Variants in RBFOX1 observed in about 807,000 individuals in gnomAD.
The protein encoded by RBFOX1 is RNA binding protein fox-1 homolog 1.
In RBFOX1, 8 loss-of-function variants were observed where a neutral mutation model predicts 57.7. That is an observed-to-expected ratio of 0.14 (90% CI 0.08 to 0.25). The LOEUF is 0.25. Among genes scored for constraint, RBFOX1 ranks in the 10% least tolerant of loss-of-function variants. The pLI is 1.00. For missense variants in RBFOX1, 611 were observed against 548.5 expected, an observed-to-expected ratio of 1.11 and a Z score of -1.14; for synonymous variants, 326 against 222.4, an observed-to-expected ratio of 1.47 and a Z score of -4.15.
At chr16:6,215,804 A>T (rs139460058) in intron 1 of RBFOX1, among the ~76,000 whole-genome samples, 144 of 152,214 alleles carry the variant, frequency 9.5e-4, no homozygotes, top group African/African-American at 3.3e-3. Context: ...TTACATGGAG[A>T]AAGGACTGCA....
In RBFOX1 at chr16:7,043,631, C is replaced by T. The variant is rs542043209; in HGVS notation, c.-15-8426C>T. Among the ~76,000 whole-genome samples the T allele has an allele frequency of 2.8e-3, 433 of 152,290 alleles. 3 individuals carry two copies. Among genetic ancestry groups the T allele is most frequent in the Non-Finnish European group, 2.3e-3 (155 of 68,012 alleles). ...GCTGGTAAACTTGTCCAGTGTTTTCCTTCTAAGTGATTCATAATTGTCCTG... is the reference window on the plus strand; with the variant it reads ...GCTGGTAAACTTGTCCAGTGTTTTCTTTCTAAGTGATTCATAATTGTCCTG... On this transcript the variant is annotated intron_variant, in intron 3 of 15. Transcript: ENST00000550418.
intron 4 of RBFOX1, among the ~76,000 whole-genome samples, chr16:7,061,724 C>T (rs1384843195): frequency 1.3e-5 from 2 of 152,148 alleles, no homozygotes; most frequent in South Asian, 2.1e-4. Context: ...TATCAAACAG[C>T]TCCAAGCAAA....
chr16:6,669,195 A>G (rs2098749782), intron 3 of RBFOX1, among the ~76,000 whole-genome samples: 1 of 152,190 alleles, frequency 6.6e-6, no homozygotes, highest in Non-Finnish European at 1.5e-5. Context: ...AGGTTGCTGG[A>G]AAAATTTGTG....
intron 3 of RBFOX1, among the ~76,000 whole-genome samples, chr16:6,685,176 G>C (rs553030354): frequency 9.3e-5 from 14 of 151,348 alleles, no homozygotes; most frequent in Non-Finnish European, 1.6e-4. Flanking sequence ...TATTCCTGCT[G>C]TACTTACTAA....
chr16:6,079,718 C>T (rs1487257253), intron 1 of RBFOX1, among the ~76,000 whole-genome samples: 1 of 152,034 alleles, frequency 6.6e-6, no homozygotes, highest in Non-Finnish European at 1.5e-5. Flanking sequence ...CACTTGTGAT[C>T]CTAGCTACTC....
chr16:6,432,022 C>G (rs112310653), intron 2 of RBFOX1, among the ~76,000 whole-genome samples: 1 of 151,334 alleles, frequency 6.6e-6, no homozygotes, highest in African/African-American at 2.4e-5. Flanking sequence ...AGTGCCACTG[C>G]ACGACTATAG....
rs145006582 is a variant in RBFOX1 at position 7,630,606 on chromosome 16, C to T, written c.680C>T (p.Thr227Met). The T allele has an allele frequency of 2.5e-6, 4 of 1,614,022 alleles. No homozygotes were observed. Among genetic ancestry groups the T allele is most frequent in the East Asian group, 2.2e-5 (1 of 44,896 alleles). Residue 227 changes from threonine (T) to methionine (M), a missense_variant, in exon 11 of 16, where the codon ACG becomes ATG. Thr to Met is a moderately conservative substitution (Grantham distance 81). Transcript: ENST00000550418. The stretch of plus-strand genomic sequence containing the variant: ...CATCTCTCTCTCTCTTTCGTAGGCA[C>T]GGTCCTGTTGTGCCAGGCCAACCAG... ...AVYSPEFYAG[T>M]VLLCQANQEG...
chr16:6,066,119 C>T (rs890960184), intron 1 of RBFOX1, among the ~76,000 whole-genome samples: 1 of 151,662 alleles, frequency 6.6e-6, no homozygotes, highest in African/African-American at 2.4e-5. Flanking sequence ...CACGGTGAAA[C>T]CCCCTCTCTA....
In RBFOX1 at chr16:6,041,574, C is replaced by T. The variant is rs527293029; in HGVS notation, c.-127+21582C>T. Among the ~76,000 whole-genome samples the T allele has an allele frequency of 6.6e-5, 10 of 152,248 alleles. No homozygotes were observed. The South Asian group carries it at 1.9e-3, about 28-fold the overall frequency. Reference sequence around the variant, plus strand: ...GGAAACTCCTCATCCGTATGTGACTCCCTGAAGCCACATACCTCATAAGTG... The same window carrying T: ...GGAAACTCCTCATCCGTATGTGACTTCCTGAAGCCACATACCTCATAAGTG... On this transcript the variant is annotated intron_variant, in intron 1 of 15. Coordinates refer to ENST00000550418, the MANE Select transcript of RBFOX1 (RefSeq NM_018723.4).
chr16:7,215,424 T>C (rs6500933), intron 4 of RBFOX1, among the ~76,000 whole-genome samples: 109,281 of 152,140 alleles, frequency 0.72, 40,729 homozygotes, highest in East Asian at 0.99. Context: ...AACCCAAATG[T>C]CCATCAATGA....
At chr16:6,042,657 GA>G (rs2095450570) in intron 1 of RBFOX1, among the ~76,000 whole-genome samples, 1 of 152,158 alleles carries the variant, frequency 6.6e-6, no homozygotes. Flanking sequence ...CATGGCCTGG[GA>G]AACAGTCTCT....
At chr16:5,616,897 C>T (rs2048043422) in intron 3 of RBFOX1, among the ~76,000 whole-genome samples, 2 of 149,574 alleles carry the variant, frequency 1.3e-5, no homozygotes, top group Non-Finnish European at 3.0e-5. Context: ...TTCTCCCCTG[C>T]CTCTTTTTCC....
intron 12 of RBFOX1, among the ~76,000 whole-genome samples, chr16:7,663,274 G>C (rs1207064143): frequency 2.0e-5 from 3 of 152,202 alleles, no homozygotes; most frequent in Non-Finnish European, 4.4e-5. Flanking sequence ...TTGGATTAGG[G>C]CTTTATGCCA....
chr16:5,290,849 C>T (rs1171613398), intron 1 of RBFOX1, among the ~76,000 whole-genome samples: 1 of 152,030 alleles, frequency 6.6e-6, no homozygotes, highest in Non-Finnish European at 1.5e-5. Context: ...CAGGCACCCA[C>T]CACCACACCT....
At chr16:6,997,489 T>A (rs2092365782) in intron 3 of RBFOX1, among the ~76,000 whole-genome samples, 2 of 152,200 alleles carry the variant, frequency 1.3e-5, no homozygotes, top group African/African-American at 2.4e-5. Context: ...TTAACAATTT[T>A]AATTTGTATC....
At chr16:6,102,131 G>C (rs2152558668) in intron 1 of RBFOX1, among the ~76,000 whole-genome samples, 1 of 144,862 alleles carries the variant, frequency 6.9e-6, no homozygotes, top group East Asian at 2.1e-4. Context: ...AGCAGTATGA[G>C]TTTCGGCCTG....
chr16:7,693,670 T>C (rs576165975), intron 14 of RBFOX1, among the ~76,000 whole-genome samples: 11 of 152,200 alleles, frequency 7.2e-5, no homozygotes, highest in African/African-American at 2.6e-4. Flanking sequence ...GCTCTTATGG[T>C]AAAATAGGGA....
At chr16:5,568,572 G>A (rs2046155554) in intron 2 of RBFOX1, among the ~76,000 whole-genome samples, 1 of 152,156 alleles carries the variant, frequency 6.6e-6, no homozygotes, top group Non-Finnish European at 1.5e-5. Flanking sequence ...TCAGGGATGT[G>A]AGGATGCGTG....
At chr16:6,594,498 A>T (rs1222457480) in intron 2 of RBFOX1, among the ~76,000 whole-genome samples, 1 of 152,208 alleles carries the variant, frequency 6.6e-6, no homozygotes, top group Non-Finnish European at 1.5e-5. Flanking sequence ...CAGCTCTCAC[A>T]GATTGTTGAC....
Sources: allele counts gnomAD v4.1 joint callset (sites outside exome capture counted in the v4.1 genomes callset), GRCh38; gene constraint gnomAD v4.1.1; transcripts MANE v1.5; gene names NCBI Gene and HGNC (gene_info 2026-07-23, HGNC 2026-07-21).